The following OR10J1 variants were observed in gnomAD, a reference collection of about 807,000 sequenced individuals.
The protein encoded by OR10J1 is olfactory receptor 10J1.
For synonymous variants in OR10J1, 202 were observed against 143.8 expected (o/e 1.40, Z -2.89); for missense variants, 474 against 376.6 (o/e 1.26, Z -2.14).
the OR10J1 span, chr1:159,432,815 C>T: frequency 7.4e-6 from 3 of 404,672 alleles, no homozygotes; most frequent in Non-Finnish European, 1.3e-5. Context: ...GCTCATCAGT[C>T]TCTGTGTCCT....
rs1327573852 is a variant in OR10J1, at chr1:159,440,133, G to A, written c.342G>A (p.Leu114=). 1.2e-6 allele frequency: 2 copies of A among 1,613,960 alleles called. No individual in the cohort carries two copies. Among genetic ancestry groups the A allele is most frequent in the South Asian group, 1.1e-5 (1 of 91,078 alleles). The change falls in exon 1 of 1, where the codon CTG becomes CTA. Residue 114 remains leucine, a synonymous_variant. Transcript: ENST00000423932. ...FVTFGITNCF[L]LTAMGYDRYV... is the part of the protein sequence containing the mutation. ...CCTTTGGCATCACTAACTGCTTCCT[G>A]CTCACAGCAATGGGATATGACCGCT...
At chr1:159,423,804 A>G in the OR10J1 span, among the ~76,000 whole-genome samples, 1 of 152,222 alleles carries the variant, frequency 6.6e-6, no homozygotes, top group Non-Finnish European at 1.5e-5. Flanking sequence ...ATAGATACTG[A>G]CGTCTGGGTG....
the OR10J1 span, among the ~76,000 whole-genome samples, chr1:159,415,949 T>C: frequency 6.6e-6 from 1 of 151,964 alleles, no homozygotes; most frequent in African/African-American, 2.4e-5. Flanking sequence ...GTAAATGGGA[T>C]TGCCTTCTTT....
the OR10J1 span, among the ~76,000 whole-genome samples, chr1:159,421,491 T>G: frequency 6.6e-6 from 1 of 152,240 alleles, no homozygotes; most frequent in Non-Finnish European, 1.5e-5. Context: ...TCCATTGATA[T>G]CTGCACATCT....
the OR10J1 span, chr1:159,432,738 T>C: frequency 8.2e-5 from 33 of 402,584 alleles, 1 homozygote; most frequent in Middle Eastern, 8.9e-3. Context: ...CTCCCACTTC[T>C]TTTGTGATAT....
At chr1:159,400,566 A>G in the OR10J1 span, among the ~76,000 whole-genome samples, 1 of 149,550 alleles carries the variant, frequency 6.7e-6, no homozygotes, top group Non-Finnish European at 1.5e-5. Context: ...TTAAATATAT[A>G]TTTATTACAT....
chr1:159,424,506 T>A, the OR10J1 span, among the ~76,000 whole-genome samples: 1 of 150,574 alleles, frequency 6.6e-6, no homozygotes, highest in East Asian at 1.9e-4. Context: ...TACATGTATG[T>A]GTGTGTATAT....
At chr1:159,399,080 T>C in the OR10J1 span, among the ~76,000 whole-genome samples, 4 of 151,750 alleles carry the variant, frequency 2.6e-5, no homozygotes, top group African/African-American at 9.7e-5. Flanking sequence ...CTTCACTACA[T>C]CTGGCAGTGG....
chr1:159,418,645 G>T, the OR10J1 span, among the ~76,000 whole-genome samples: 2 of 152,186 alleles, frequency 1.3e-5, no homozygotes, highest in Non-Finnish European at 2.9e-5. Flanking sequence ...GAAAATGCGT[G>T]GTTGAAGCCC....
chr1:159,424,955 TAA>T, the OR10J1 span, among the ~76,000 whole-genome samples: 1 of 152,076 alleles, frequency 6.6e-6, no homozygotes, highest in Non-Finnish European at 1.5e-5. Context: ...AGAAAAATGC[TAA>T]GAGTTTCCAG....
chr1:159,437,187 G>A (rs1333908547), upstream of OR10J1, among the ~76,000 whole-genome samples: 1 of 152,170 alleles, frequency 6.6e-6, no homozygotes, highest in Non-Finnish European at 1.5e-5. Context: ...CGGGTAAAGA[G>A]AACAGTGTTC....
chr1:159,422,018 T>G, the OR10J1 span, among the ~76,000 whole-genome samples: 1 of 152,074 alleles, frequency 6.6e-6, no homozygotes, highest in Non-Finnish European at 1.5e-5. Context: ...TGTTGGCAGT[T>G]GCTGCAATGC....
At chr1:159,433,069 A>G (rs764723957), upstream of OR10J1, 3 of 450,252 alleles carry the variant, frequency 6.7e-6, no homozygotes, top group South Asian at 7.8e-5. Flanking sequence ...ACCCTGTTGT[A>G]TACAGCCTGA....
At chr1:159,421,640 AT>A in the OR10J1 span, among the ~76,000 whole-genome samples, 1 of 152,102 alleles carries the variant, frequency 6.6e-6, no homozygotes, top group Non-Finnish European at 1.5e-5. Context: ...TAGTGTCTCT[AT>A]GACTTATTTA....
chr1:159,402,434 C>G, the OR10J1 span, among the ~76,000 whole-genome samples: 1 of 151,874 alleles, frequency 6.6e-6, no homozygotes, highest in African/African-American at 2.4e-5. Flanking sequence ...AATGAACACA[C>G]AAAAATCAGT....
At chr1:159,422,658 T>C in the OR10J1 span, among the ~76,000 whole-genome samples, 1 of 152,122 alleles carries the variant, frequency 6.6e-6, no homozygotes, top group Non-Finnish European at 1.5e-5. Context: ...TGATGCTGTA[T>C]TGCAGCTGCA....
At chr1:159,408,047 T>C in the OR10J1 span, among the ~76,000 whole-genome samples, 1 of 151,926 alleles carries the variant, frequency 6.6e-6, no homozygotes, top group South Asian at 2.1e-4. Context: ...AAAGGAGGTA[T>C]TGTCCAAGAT....
the OR10J1 span, among the ~76,000 whole-genome samples, chr1:159,421,135 C>T: frequency 8.8e-4 from 134 of 151,864 alleles, no homozygotes; most frequent in African/African-American, 3.2e-3. Context: ...TTCAAAAGGC[C>T]CATTTTTAAG....
the OR10J1 span, among the ~76,000 whole-genome samples, chr1:159,429,864 T>C: frequency 6.6e-6 from 1 of 152,176 alleles, no homozygotes; most frequent in Non-Finnish European, 1.5e-5. Flanking sequence ...TTCTGTTTTA[T>C]TTCTAGTCCT....
Sources: gnomAD v4.1 joint callset for allele counts (sites outside exome capture counted in the v4.1 genomes callset) on GRCh38, gnomAD v4.1.1 for gene constraint, MANE v1.5 for transcripts, NCBI Gene and HGNC (gene_info 2026-07-23, HGNC 2026-07-21) for gene names.